Variants in KLHL25 observed in about 807,000 individuals in gnomAD.
KLHL25 encodes the protein kelch like family member 25.
Under a neutral mutation model 30.0 loss-of-function variants are expected in KLHL25, and 41 were observed. The observed-to-expected ratio is 1.37, with a 90% confidence interval of 1.07 to 1.78. The LOEUF (loss-of-function observed/expected upper bound fraction) is 1.78, where lower values mean the gene tolerates loss of function less well. KLHL25 is among the 40% of genes most tolerant of loss of function. The pLI is 0.00. For synonymous variants in KLHL25, 399 were observed against 355.3 expected (o/e 1.12, Z -1.38); for missense variants, 971 against 824.5 (o/e 1.18, Z -2.18).
At chr15:85,774,513 C>T (rs114744429) in intron 1 of KLHL25, among the ~76,000 whole-genome samples, 2,091 of 152,272 alleles carry the variant, frequency 0.014, 56 homozygotes, top group African/African-American at 0.048. Context: ...TTGCCACACT[C>T]ACAGAAGATT....
intron 1 of KLHL25, chr15:85,771,286 T>G (rs1295502781): frequency 6.6e-6 from 1 of 151,990 alleles, no homozygotes; most frequent in Non-Finnish European, 1.5e-5. Context: ...AAGCCTGTGC[T>G]GCTGTCTTCC....
intron 1 of KLHL25, among the ~76,000 whole-genome samples, chr15:85,786,859 G>C (rs1249199968): frequency 6.6e-6 from 1 of 152,174 alleles, no homozygotes; most frequent in Non-Finnish European, 1.5e-5. Flanking sequence ...GAGCTTTTCA[G>C]CATAAAATGA....
At chr15:85,782,671 A>T (rs1291052938) in intron 1 of KLHL25, among the ~76,000 whole-genome samples, 1 of 152,176 alleles carries the variant, frequency 6.6e-6, no homozygotes. Context: ...TGCAGTAAGT[A>T]CACTGAAATC....
chr15:85,778,574 C>A (rs979395590), intron 1 of KLHL25, among the ~76,000 whole-genome samples: 2 of 152,212 alleles, frequency 1.3e-5, no homozygotes, highest in African/African-American at 4.8e-5. Flanking sequence ...TTGCCCAAAG[C>A]TACGCAAGGA....
chr15:85,782,425 A>G (rs910931643), intron 1 of KLHL25, among the ~76,000 whole-genome samples: 8 of 151,758 alleles, frequency 5.3e-5, no homozygotes, highest in Non-Finnish European at 1.0e-4. Flanking sequence ...GCCTTCAAGG[A>G]GGCTTTCACA....
intron 2 of KLHL25, chr15:85,764,090 A>G (rs1422776217): frequency 1.3e-5 from 2 of 152,222 alleles, no homozygotes; most frequent in Admixed American, 1.3e-4. Flanking sequence ...TGGCCGCCTG[A>G]GCAGCGAGAG....
intron 1 of KLHL25, chr15:85,770,408 C>T (rs1395565792): frequency 1.0e-5 from 5 of 489,436 alleles, no homozygotes; most frequent in South Asian, 6.0e-5. Context: ...CAGAGCCTCA[C>T]GTACCCACTT....
chr15:85,776,327 A>G (rs964641251), intron 1 of KLHL25, among the ~76,000 whole-genome samples: 1 of 151,954 alleles, frequency 6.6e-6, no homozygotes, highest in African/African-American at 2.4e-5. Context: ...CATCTCTACT[A>G]AAAGTATAAA....
At chr15:85,762,035 C>T (rs756165082) in intron 2 of KLHL25, 7 of 152,262 alleles carry the variant, frequency 4.6e-5, no homozygotes, top group Admixed American at 2.6e-4. Flanking sequence ...AGTGCTGGGC[C>T]GTCTGTTCTC....
At chr15:85,782,500 C>G (rs1417128059) in intron 1 of KLHL25, among the ~76,000 whole-genome samples, 3 of 151,602 alleles carry the variant, frequency 2.0e-5, no homozygotes, top group Non-Finnish European at 4.4e-5. Context: ...CTTCCTCCCT[C>G]TCTCGGCTTT....
intron 2 of KLHL25, chr15:85,762,444 AGGCTGGGTCCCTTTG>A (rs1199641436): frequency 4.3e-4 from 3 of 6,918 alleles, no homozygotes; most frequent in Non-Finnish European, 1.4e-3. Context: ...GTTCCCTCTC[AGGCTGGGTCCCTTTG>A]TTCCCTCTCA....
chr15:85,777,122 T>C (rs1215124848), intron 1 of KLHL25, among the ~76,000 whole-genome samples: 1 of 152,142 alleles, frequency 6.6e-6, no homozygotes, highest in Non-Finnish European at 1.5e-5. Flanking sequence ...GGGCTGCCCA[T>C]GGGGCAGTTC....
At chr15:85,785,973 C>T in intron 1 of KLHL25, among the ~76,000 whole-genome samples, 1 of 143,710 alleles carries the variant, frequency 7.0e-6, no homozygotes, top group Non-Finnish European at 1.5e-5. Flanking sequence ...CACCCCCCCG[C>T]CCCAGGAGGA....
chr15:85,788,982 G>A (rs529498819), intron 1 of KLHL25, among the ~76,000 whole-genome samples: 1 of 152,260 alleles, frequency 6.6e-6, no homozygotes, highest in Non-Finnish European at 1.5e-5. Context: ...AAATTGGCCT[G>A]GCCAACAGCA....
intron 1 of KLHL25, among the ~76,000 whole-genome samples, chr15:85,781,717 C>G (rs1274324003): frequency 6.6e-6 from 1 of 152,148 alleles, no homozygotes; most frequent in East Asian, 1.9e-4. Flanking sequence ...CTCCTAATCT[C>G]CAGTAATCCA....
intron 2 of KLHL25, chr15:85,762,999 C>T (rs1360559720): frequency 6.6e-6 from 1 of 152,164 alleles, no homozygotes; most frequent in Non-Finnish European, 1.5e-5. Flanking sequence ...TGTCGGCAGC[C>T]GGATGCCTGC....
At chr15:85,765,837 AAAAAAG>A (rs2089619911) in intron 2 of KLHL25, among the ~76,000 whole-genome samples, 1 of 151,550 alleles carries the variant, frequency 6.6e-6, no homozygotes, top group Non-Finnish European at 1.5e-5. Context: ...TCAAAAAAAA[AAAAAAG>A]AAAAAGAAAA....
In KLHL25 at chr15:85,769,378, A is replaced by G; in HGVS notation, c.433T>C (p.Phe145Leu). 1.2e-6 allele frequency: 2 copies of G among 1,614,126 alleles called. No homozygotes were observed. The highest frequency in any genetic ancestry group is 1.3e-5 in the African/African-American group (1 of 75,050). ...ATCATGCCCAGGCAGTTGGAGGGGA[A>G]AAGGTTCTTCTCCAGGAACTCGGCG... is the stretch of plus-strand genomic sequence containing the variant. ...AAAEFLEKNL[F>L]PSNCLGMMLL... Residue 145 changes from phenylalanine to leucine, a missense_variant, in exon 2 of 3, where the codon TTC becomes CTC. Transcript: ENST00000337975.
At chr15:85,787,433 C>T (rs984393358) in intron 1 of KLHL25, among the ~76,000 whole-genome samples, 12 of 151,940 alleles carry the variant, frequency 7.9e-5, no homozygotes, top group Non-Finnish European at 1.6e-4. Flanking sequence ...GTGACAAGAG[C>T]GAAACTCAGT....
Sources: allele counts gnomAD v4.1 joint callset (sites outside exome capture counted in the v4.1 genomes callset), GRCh38; gene constraint gnomAD v4.1.1; transcripts MANE v1.5; gene names NCBI Gene and HGNC (gene_info 2026-07-23, HGNC 2026-07-21).